ZNF365: variants seen among roughly 807,000 people sequenced by gnomAD.
ZNF365 encodes the protein protein ZNF365.
Under a neutral mutation model 35.0 loss-of-function variants are expected in ZNF365, and 22 were observed. That is an observed-to-expected ratio of 0.63 (90% CI 0.45 to 0.90). The LOEUF is 0.90. ZNF365 is among the 40% of genes least tolerant of loss of function. The pLI is 0.00. For missense variants in ZNF365, 448 were observed against 500.3 expected (o/e 0.90, Z 1.00); for synonymous variants, 188 against 196.2 (o/e 0.96, Z 0.35).
downstream of ZNF365, among the ~76,000 whole-genome samples, chr10:62,406,274 C>G (rs1237554693): frequency 6.6e-6 from 1 of 152,100 alleles, no homozygotes; most frequent in African/African-American, 2.4e-5. Context: ...TCTTTTTCAT[C>G]TAGTTAATTT....
At chr10:62,419,126 A>G (rs914206850) in intron 3 of ZNF365, among the ~76,000 whole-genome samples, 2 of 152,156 alleles carry the variant, frequency 1.3e-5, no homozygotes, top group Non-Finnish European at 2.9e-5. Context: ...AAATGTGTGC[A>G]TTCCGCTTTG....
chr10:62,437,416 T>C (rs1017890472), intron 3 of ZNF365, among the ~76,000 whole-genome samples: 5 of 152,226 alleles, frequency 3.3e-5, no homozygotes, highest in African/African-American at 1.2e-4. Flanking sequence ...ATAGAGTAAA[T>C]GTCAAATTTT....
At chr10:62,440,871 A>G (rs1014758540) in intron 3 of ZNF365, among the ~76,000 whole-genome samples, 1 of 152,216 alleles carries the variant, frequency 6.6e-6, no homozygotes, top group Non-Finnish European at 1.5e-5. Flanking sequence ...TATTTAGTAA[A>G]TAACAGAATG....
At chr10:62,433,215 A>G (rs192910246) in intron 3 of ZNF365, among the ~76,000 whole-genome samples, 91 of 152,330 alleles carry the variant, frequency 6.0e-4, no homozygotes, top group African/African-American at 2.1e-3. Context: ...ATGAGTTACT[A>G]AACAGTTTAA....
intron 3 of ZNF365, among the ~76,000 whole-genome samples, chr10:62,455,643 A>G (rs190144060): frequency 6.6e-6 from 1 of 152,072 alleles, no homozygotes; most frequent in Non-Finnish European, 1.5e-5. Context: ...AACTATGTGC[A>G]TATGGTAAAA....
At chr10:62,438,041 G>T (rs1283682491) in intron 3 of ZNF365, among the ~76,000 whole-genome samples, 1 of 152,140 alleles carries the variant, frequency 6.6e-6, no homozygotes, top group Admixed American at 6.5e-5. Flanking sequence ...CTGTGTATGG[G>T]AAATTAGTTA....
At chr10:62,421,012 A>G (rs1327208149) in intron 3 of ZNF365, among the ~76,000 whole-genome samples, 4 of 150,790 alleles carry the variant, frequency 2.7e-5, no homozygotes, top group Non-Finnish European at 5.9e-5. Context: ...CTGATAAACC[A>G]TTTTGTACCA....
intron 4 of ZNF365, among the ~76,000 whole-genome samples, chr10:62,464,168 A>G (rs1840893485): frequency 1.3e-5 from 2 of 152,158 alleles, no homozygotes; most frequent in South Asian, 2.1e-4. Context: ...GGGACTCACC[A>G]TATTCTTTTC....
intron 3 of ZNF365, among the ~76,000 whole-genome samples, chr10:62,392,029 G>C (rs781052660): frequency 2.0e-5 from 3 of 152,122 alleles, no homozygotes; most frequent in Non-Finnish European, 2.9e-5. Flanking sequence ...TCATATGTTT[G>C]TTGGCCATTT....
chr10:62,451,614 A>C (rs1311490417), intron 3 of ZNF365, among the ~76,000 whole-genome samples: 1 of 152,250 alleles, frequency 6.6e-6, no homozygotes, highest in Non-Finnish European at 1.5e-5. Context: ...TGACTTCTTC[A>C]TCAGAAAGTC....
intron 4 of ZNF365, among the ~76,000 whole-genome samples, chr10:62,471,142 G>A (rs1470321588): frequency 2.0e-5 from 3 of 151,902 alleles, no homozygotes; most frequent in African/African-American, 4.8e-5. Flanking sequence ...CAAGGCGGGC[G>A]GATCACGAGG....
At chr10:62,463,907 C>T (rs929491633) in intron 4 of ZNF365, among the ~76,000 whole-genome samples, 19 of 152,182 alleles carry the variant, frequency 1.2e-4, no homozygotes, top group African/African-American at 3.1e-4. Context: ...ACCCCTCCAA[C>T]GGATGAGAGA....
At chr10:62,410,222 C>G (rs998589631) in intron 3 of ZNF365, among the ~76,000 whole-genome samples, 1 of 152,048 alleles carries the variant, frequency 6.6e-6, no homozygotes, top group Non-Finnish European at 1.5e-5. Flanking sequence ...TTCAAAGAAC[C>G]AATAAATTGG....
At chr10:62,455,621 A>G (rs1011923212) in intron 3 of ZNF365, among the ~76,000 whole-genome samples, 4 of 151,966 alleles carry the variant, frequency 2.6e-5, no homozygotes, top group African/African-American at 9.7e-5. Context: ...TCATATATAC[A>G]TAGTTTATTT....
intron 3 of ZNF365, among the ~76,000 whole-genome samples, chr10:62,416,085 C>A (rs1840069633): frequency 6.6e-6 from 1 of 152,142 alleles, no homozygotes; most frequent in Admixed American, 6.6e-5. Flanking sequence ...ACTTCAGTCA[C>A]ATAATTTCCC....
intron 3 of ZNF365, among the ~76,000 whole-genome samples, chr10:62,393,064 A>G (rs1164631250): frequency 6.6e-6 from 1 of 151,052 alleles, no homozygotes; most frequent in African/African-American, 2.4e-5. Flanking sequence ...AAAATCTAAG[A>G]CACAAATACA....
intron 2 of ZNF365, among the ~76,000 whole-genome samples, chr10:62,380,238 C>T (rs1362884712): frequency 6.6e-6 from 1 of 152,196 alleles, no homozygotes; most frequent in Non-Finnish European, 1.5e-5. Context: ...TGCAGTTCCA[C>T]TTAAACGAAG....
chr10:62,459,535 A>G (rs1175244760), intron 3 of ZNF365, among the ~76,000 whole-genome samples: 1 of 152,210 alleles, frequency 6.6e-6, no homozygotes, highest in African/African-American at 2.4e-5. Flanking sequence ...AGGGTAACAA[A>G]ACTCTGAATG....
At chr10:62,378,133 T>G (rs1048803306) in intron 2 of ZNF365, among the ~76,000 whole-genome samples, 1 of 152,232 alleles carries the variant, frequency 6.6e-6, no homozygotes, top group African/African-American at 2.4e-5. Context: ...GGAAATAATC[T>G]CTAATGAAAA....
Sources: gnomAD v4.1 joint callset for allele counts (sites outside exome capture counted in the v4.1 genomes callset) on GRCh38, gnomAD v4.1.1 for gene constraint, MANE v1.5 for transcripts, NCBI Gene and HGNC (gene_info 2026-07-23, HGNC 2026-07-21) for gene names.